The following AMOT variants were observed in gnomAD, a reference collection of about 807,000 sequenced individuals.
The protein encoded by AMOT is angiomotin.
In AMOT, 11 loss-of-function variants were observed where a neutral mutation model predicts 67.0. The observed-to-expected ratio is 0.16, with a 90% confidence interval of 0.10 to 0.27. The LOEUF (loss-of-function observed/expected upper bound fraction) is 0.27, where lower values mean the gene tolerates loss of function less well. Among genes scored for constraint, AMOT ranks in the 10% least tolerant of loss-of-function variants. AMOT has a pLI of 1.00. For synonymous variants in AMOT, 326 were observed against 321.4 expected (o/e 1.01, Z -0.15); for missense variants, 753 against 852.0 (o/e 0.88, Z 1.45).
At chrX:112,836,263 T>C (rs945120772) in intron 1 of AMOT, among the ~76,000 whole-genome samples, 5 of 111,463 alleles carry the variant, frequency 4.5e-5, no homozygotes, top group African/African-American at 1.3e-4. Flanking sequence ...CCTAGTTTTG[T>C]TGTTGTTGTT....
intron 5 of AMOT, among the ~76,000 whole-genome samples, chrX:112,814,795 AGG>A (rs1467913692): frequency 1.8e-5 from 2 of 111,829 alleles, no homozygotes; most frequent in Non-Finnish European, 3.8e-5. Flanking sequence ...AGCTGCAGGG[AGG>A]GACCAAATCA....
chrX:112,808,115 C>T (rs1934248280), intron 7 of AMOT, among the ~76,000 whole-genome samples: 1 of 112,124 alleles, frequency 8.9e-6, no homozygotes, highest in African/African-American at 3.2e-5. Context: ...CACCTTCTTT[C>T]CCACTCTGAC....
intron 4 of AMOT, chrX:112,819,185 C>T (rs1283252729): frequency 5.3e-6 from 1 of 189,035 alleles, no homozygotes; most frequent in Non-Finnish European, 8.1e-6. Context: ...GAGCCCTCAC[C>T]CTCCCCAGCC....
chrX:112,838,285 T>G (rs1035933592), intron 1 of AMOT, among the ~76,000 whole-genome samples: 7 of 111,547 alleles, frequency 6.3e-5, no homozygotes, highest in South Asian at 3.8e-4. Flanking sequence ...AAACCCCTCT[T>G]GTCTCCAAAT....
rs1935266458 is a variant in AMOT at position 112,840,529 on chromosome X, G to A, written c.-366C>T. On this transcript the variant is annotated 5_prime_UTR_variant, in exon 1 of 14. Transcript: ENST00000371959. ...CGGTCCCGGGCCAGCGGCCAGGGAT[G>A]GGCAGGGGGGAAGCCCCAACTCCCG... 1 of 113,057 alleles carries A rather than the reference G, an allele frequency of 8.8e-6. No individual in the cohort carries two copies. Among genetic ancestry groups the A allele is most frequent in the Non-Finnish European group, 1.9e-5 (1 of 53,435 alleles). The allele number at this position is 113,057 out of a possible 1,213,427, so 9.3% of individuals were successfully genotyped here. A position where few individuals can be genotyped will look rare whatever the true frequency, so the allele number is the denominator to read the frequency against.
intron 1 of AMOT, among the ~76,000 whole-genome samples, chrX:112,834,386 G>C (rs995269065): frequency 2.7e-5 from 3 of 111,274 alleles, no homozygotes; most frequent in Non-Finnish European, 3.8e-5. Flanking sequence ...GTTTGCTATG[G>C]GGTATATATA....
intron 8 of AMOT, among the ~76,000 whole-genome samples, chrX:112,792,959 C>CTCTTTAAAGAAGATTTATATCTTCT (rs1933665462): frequency 9.5e-6 from 1 of 105,437 alleles, no homozygotes. Flanking sequence ...GATCTCAGAG[C>CTCTTTAAAGAAGATTTATATCTTCT]TCTTTAAAGA....
intron 8 of AMOT, among the ~76,000 whole-genome samples, chrX:112,802,906 A>G (rs1934059376): frequency 9.0e-6 from 1 of 111,489 alleles, no homozygotes; most frequent in Non-Finnish European, 1.9e-5. Flanking sequence ...CAACACATAT[A>G]TTATTTTCAA....
chrX:112,828,507 C>CT (rs11288391), intron 2 of AMOT, among the ~76,000 whole-genome samples: 3 of 101,195 alleles, frequency 3.0e-5, no homozygotes, highest in African/African-American at 1.1e-4. Flanking sequence ...TCAAAGTAGC[C>CT]TTTTTTTTTT....
Position 112,811,757 on chromosome X carries a change from C to T in AMOT, c.1393-364G>A, listed in dbSNP as rs943881452. Among the ~76,000 whole-genome samples, 7 of 111,029 alleles carry T rather than the reference C, an allele frequency of 6.3e-5. No individual in the cohort carries two copies. The Admixed American group carries it at 6.7e-4, about 11-fold the overall frequency. The stretch of plus-strand genomic sequence containing the variant: ...TAATATATATAGTATGTAGATATTC[C>T]AAAGCATTCAAAGGGCTTTCACATG... On this transcript the variant is annotated intron_variant, in intron 5 of 13. Transcript: ENST00000371959.
chrX:112,779,529 A>C lies in AMOT; in HGVS notation c.2625T>G (p.Thr875=), dbSNP rs755290640. ...QTERGTESNK[T]AAVAPISVPA... Reference sequence around the variant, plus strand: ...GAACAGAGATGGGAGCAACAGCTGCAGTTTTGTTCGATTCCGTCCCACGTT... The same window carrying C: ...GAACAGAGATGGGAGCAACAGCTGCCGTTTTGTTCGATTCCGTCCCACGTT... Residue 875 remains threonine, a synonymous_variant, in exon 13 of 14, where the codon ACT becomes ACG. Transcript: ENST00000371959. 24 of 1,211,348 alleles carry C rather than the reference A, an allele frequency of 2.0e-5. No individual in the cohort carries two copies. The highest frequency in any genetic ancestry group is 2.7e-5 in the Non-Finnish European group (24 of 895,474).
At chrX:112,834,439 G>T (rs976048409) in intron 1 of AMOT, among the ~76,000 whole-genome samples, 3 of 111,615 alleles carry the variant, frequency 2.7e-5, no homozygotes, top group African/African-American at 9.8e-5. Context: ...GTTGATAGGG[G>T]GGCGGCACAG....
intron 10 of AMOT, 90 bp downstream of exon 10, chrX:112,790,502 G>A: frequency 1.0e-6 from 1 of 1,000,214 alleles, no homozygotes; most frequent in Admixed American, 3.2e-5. Context: ...GGGAAACCCA[G>A]AATATTAAAG....
intron 10 of AMOT, among the ~76,000 whole-genome samples, 177 bp downstream of exon 10, chrX:112,790,415 C>T (rs142763390): frequency 0.01 from 1,148 of 111,065 alleles, 9 homozygotes; most frequent in Admixed American, 0.018. Flanking sequence ...TGTTCAAATC[C>T]CTGACCCTCT....
rs749716611 is a variant in AMOT, at chrX:112,818,321, G to A, written c.873-2444C>T. 5.4e-5 allele frequency among the ~76,000 whole-genome samples: 6 copies of A among 111,000 alleles called. No individual in the cohort carries two copies. In the East Asian group the frequency reaches 1.1e-3, roughly 21 times the overall value. On this transcript the variant is annotated intron_variant, in intron 4 of 13. Transcript: ENST00000371959. ...GACTGAAAGGCCCCTGCATTCCCTG[G>A]ACAACAGCACATGGCCTTCCAGGGA...
At chrX:112,825,802 T>A (rs1934827974) in intron 2 of AMOT, among the ~76,000 whole-genome samples, 1 of 110,109 alleles carries the variant, frequency 9.1e-6, no homozygotes. Flanking sequence ...GTCAGCCTCA[T>A]ACTAGACACA....
chrX:112,799,478 T>C (rs1278787147), intron 8 of AMOT, among the ~76,000 whole-genome samples: 1 of 111,905 alleles, frequency 8.9e-6, no homozygotes, highest in African/African-American at 3.3e-5. Flanking sequence ...CTCCAAACAC[T>C]CTTATACAAA....
intron 10 of AMOT, among the ~76,000 whole-genome samples, chrX:112,786,101 T>C (rs1247863105): frequency 8.9e-6 from 1 of 111,799 alleles, no homozygotes; most frequent in Non-Finnish European, 1.9e-5. Context: ...TCATTGCTAT[T>C]ATTACTGAGA....
Position 112,819,130 on chromosome X carries a change from A to G in AMOT, c.872+3125T>C, listed in dbSNP as rs183671909. ...TCAAAGGGAAAGTAAAAGCCACTCT[A>G]CCCAGCTGACACAGCACCTTCCACC... is the stretch of plus-strand genomic sequence containing the variant. On this transcript the variant is annotated intron_variant, in intron 4 of 13. Coordinates refer to ENST00000371959, the MANE Select transcript of AMOT (RefSeq NM_001113490.2). 3.1e-3 allele frequency among the ~76,000 whole-genome samples: 345 copies of G among 111,052 alleles called. 1 individual carries two copies. The highest frequency in any genetic ancestry group is 0.011 in the African/African-American group (335 of 30,499).
Sources: allele counts gnomAD v4.1 joint callset (sites outside exome capture counted in the v4.1 genomes callset), GRCh38; gene constraint gnomAD v4.1.1; transcripts MANE v1.5; gene names NCBI Gene and HGNC (gene_info 2026-07-23, HGNC 2026-07-21).